WDR31: variants seen among roughly 807,000 people sequenced by gnomAD.
The protein encoded by WDR31 is WD repeat-containing protein 31.
A neutral mutation model predicts 47.3 loss-of-function variants in WDR31; 30 were observed. That is an observed-to-expected ratio of 0.63 (90% CI 0.47 to 0.86). The LOEUF is 0.86. Ranked by LOEUF, WDR31 falls within the 40% of genes least tolerant of loss-of-function variation. The pLI, the probability that WDR31 is intolerant of heterozygous loss-of-function variation, is 0.00. For missense variants in WDR31, 406 were observed against 442.9 expected (o/e 0.92, Z 0.75); for synonymous variants, 137 against 159.4 (o/e 0.86, Z 1.06).
chr9:113,325,643 T>C (rs774281710), intron 5 of WDR31, among the ~76,000 whole-genome samples: 3 of 151,902 alleles, frequency 2.0e-5, no homozygotes, highest in Non-Finnish European at 4.4e-5. Context: ...AGCACAATTA[T>C]ATTACTTCTG....
At chr9:113,335,501 TAGGAAGAACTGTCTAC>T (rs1429898293) in intron 2 of WDR31, among the ~76,000 whole-genome samples, 1 of 152,184 alleles carries the variant, frequency 6.6e-6, no homozygotes, top group Non-Finnish European at 1.5e-5. Flanking sequence ...AACCTAATTC[TAGGAAGAACTGTCTAC>T]AGGAAGAACT....
In WDR31 at chr9:113,320,380, C is replaced by T; in HGVS notation, c.757G>A (p.Gly253Arg). ...ACCGTGGCTTCACAGCCTTCTCCTCCAAAGCCATTGCTGCAGGAGATACAC... is the reference window on the plus strand; with the variant it reads ...ACCGTGGCTTCACAGCCTTCTCCTCTAAAGCCATTGCTGCAGGAGATACAC... ...HKCISCSNGF[G>R]GEGCEATLWD... Residue 253 changes from glycine (G) to arginine (R), a missense_variant, in exon 9 of 11, where the codon GGA (glycine) becomes AGA (arginine). Physicochemically the swap from Gly to Arg is moderately radical, Grantham distance 125 (BLOSUM62 -2). Transcript: ENST00000374193. The T allele has an allele frequency of 6.2e-7, 1 of 1,614,228 alleles. No homozygotes were observed. Among genetic ancestry groups the T allele is most frequent in the Non-Finnish European group, 8.5e-7 (1 of 1,180,018 alleles).
chr9:113,323,995 T>G (rs543922802), intron 5 of WDR31, among the ~76,000 whole-genome samples: 26 of 152,358 alleles, frequency 1.7e-4, no homozygotes, highest in Middle Eastern at 3.4e-3. Flanking sequence ...TTTGCTGACC[T>G]ACTCTTCCTG....
chr9:113,329,107 G>A (rs764459983), intron 4 of WDR31, 152 bp from the exon 5 acceptor site: 25 of 677,316 alleles, frequency 3.7e-5, no homozygotes, highest in African/African-American at 7.2e-5. Context: ...TGTTGTGGCC[G>A]TCCCTCCTCA....
At position 113,316,806 on chromosome 9, in the gene WDR31, G is replaced by A. The variant is rs1833214745; in HGVS notation, c.1047C>T (p.His349=). Residue 349 remains histidine, a synonymous_variant, in exon 11 of 11, where the codon CAC becomes CAT. Coordinates refer to ENST00000374193, the MANE Select transcript of WDR31 (RefSeq NM_001012361.4). ...LLCASFNRGI[H]LLRMDHSQGL... ...CTTGGCTGTGGTCCATTCTGAGTAA[G>A]TGAATTCCTCTGTTAAAACTTGCAC... The A allele has an allele frequency of 6.2e-7, 1 of 1,614,044 alleles. No individual in the cohort carries two copies. Among genetic ancestry groups the A allele is most frequent in the Non-Finnish European group, 8.5e-7 (1 of 1,180,040 alleles).
chr9:113,323,211 G>A, intron 5 of WDR31, 56 bp from the exon 6 acceptor site: 2 of 1,567,110 alleles, frequency 1.3e-6, no homozygotes, highest in Non-Finnish European at 1.7e-6. Context: ...AGTTGGACTG[G>A]ACTTTAAATT....
At chr9:113,331,163 TG>T in intron 3 of WDR31, 47 bp from the exon 4 acceptor site, 1 of 91,454 alleles carries the variant, frequency 1.1e-5, no homozygotes, top group Non-Finnish European at 2.4e-5. Context: ...TGGGAGTGGA[TG>T]GGGGTGGGGT....
intron 2 of WDR31, among the ~76,000 whole-genome samples, chr9:113,335,785 C>T (rs1833703962): frequency 6.6e-6 from 1 of 152,148 alleles, no homozygotes; most frequent in Non-Finnish European, 1.5e-5. Flanking sequence ...GCTCCATTCC[C>T]CACTCTGGCC....
intron 4 of WDR31, among the ~76,000 whole-genome samples, chr9:113,330,713 G>T (rs150177509): frequency 2.2e-4 from 34 of 152,224 alleles, no homozygotes; most frequent in African/African-American, 7.9e-4. Context: ...TCTCACCTAC[G>T]TTCTTTGATT....
intron 4 of WDR31, among the ~76,000 whole-genome samples, chr9:113,330,144 A>C (rs1189915140): frequency 6.6e-6 from 1 of 152,088 alleles, no homozygotes; most frequent in Non-Finnish European, 1.5e-5. Flanking sequence ...TCTGTCACCC[A>C]GGCTGGAGGA....
intron 9 of WDR31, 56 bp from the exon 10 acceptor site, chr9:113,318,693 A>T: frequency 6.3e-7 from 1 of 1,585,964 alleles, no homozygotes. Context: ...TCATCCATGA[A>T]TATCTATCTC....
intron 5 of WDR31, among the ~76,000 whole-genome samples, chr9:113,325,567 C>T (rs1311419893): frequency 2.0e-5 from 3 of 151,696 alleles, no homozygotes; most frequent in Non-Finnish European, 4.4e-5. Context: ...AACTCATATT[C>T]TCAATGTATT....
At chr9:113,334,703 C>CTTTT (rs71367719) in intron 2 of WDR31, among the ~76,000 whole-genome samples, 32 of 63,028 alleles carry the variant, frequency 5.1e-4, no homozygotes, top group Non-Finnish European at 7.0e-4. Flanking sequence ...CTACATCAGG[C>CTTTT]TTTTTTTTTT....
rs1298256084 is a variant in WDR31, at chr9:113,315,635, T to A, written c.*1114A>T. 6.6e-6 allele frequency: 1 copy of A among 151,908 alleles called. No individual in the cohort carries two copies. The highest frequency in any genetic ancestry group is 1.5e-5 in the Non-Finnish European group (1 of 68,126). The allele number at this position is 151,908 out of a possible 1,614,324, so 9.4% of individuals were successfully genotyped here. A position where few individuals can be genotyped will look rare whatever the true frequency, so the allele number is the denominator to read the frequency against. ...GCTTAATGTCTGGGGCACAGTTGAC[T>A]CCATCCCTCTCTTTTTTCCTGTATG... On this transcript the variant is annotated 3_prime_UTR_variant, in exon 11 of 11. Coordinates refer to ENST00000374193, the MANE Select transcript of WDR31 (RefSeq NM_001012361.4).
intron 2 of WDR31, among the ~76,000 whole-genome samples, chr9:113,334,852 C>A (rs1027473820): frequency 2.0e-5 from 3 of 152,032 alleles, no homozygotes; most frequent in South Asian, 2.1e-4. Context: ...AGCCACCGCA[C>A]CTGGCCTCAT....
rs1833177167 is a variant in WDR31, at chr9:113,315,693, G to A, written c.*1056C>T. The A allele has an allele frequency of 6.6e-6, 1 of 151,050 alleles. No individual in the cohort carries two copies. Among genetic ancestry groups the A allele is most frequent in the Non-Finnish European group, 1.5e-5 (1 of 67,872 alleles). The allele number at this position is 151,050 out of a possible 1,614,324, so 9.4% of individuals were successfully genotyped here. A position where few individuals can be genotyped will look rare whatever the true frequency, so the allele number is the denominator to read the frequency against. ...TTGTTTTTTTTTTTTTCAAGACAAG[G>A]TCTCATTCTGTCACACAGACTGGAG... On this transcript the variant is annotated 3_prime_UTR_variant, in exon 11 of 11. Transcript: ENST00000374193.
chr9:113,326,412 CTTCT>C (rs144445972), intron 5 of WDR31, among the ~76,000 whole-genome samples: 3,192 of 146,480 alleles, frequency 0.022, 117 homozygotes, highest in African/African-American at 0.074. Flanking sequence ...TCTTTCCGTC[CTTCT>C]TTCTTTCTTT....
intron 8 of WDR31, among the ~76,000 whole-genome samples, chr9:113,321,170 G>A (rs1323694127): frequency 2.0e-5 from 3 of 152,226 alleles, no homozygotes; most frequent in East Asian, 3.8e-4. Context: ...CCATGCAGGG[G>A]TAGCAAGGAG....
At position 113,322,905 on chromosome 9, in the gene WDR31, G is replaced by C; in HGVS notation, c.476C>G (p.Ser159Ter). The change falls in exon 7 of 11, where the codon TCA becomes TGA. Residue 159 changes from serine (S) to a stop codon, truncating the protein, a stop_gained. Transcript: ENST00000374193. LOFTEE classifies it high-confidence loss of function. ...GTCCCGAGAGCCAGTGCACAGCTGT[G>C]ATGAGTCTTTGGAAACAATGGTGAG... ...VTGLAVSPDS[S>*]QLCTGSRDNT... The C allele has an allele frequency of 6.2e-7, 1 of 1,614,192 alleles. No homozygotes were observed. The highest frequency in any genetic ancestry group is 8.5e-7 in the Non-Finnish European group (1 of 1,180,038).
Sources: gnomAD v4.1 joint callset for allele counts (sites outside exome capture counted in the v4.1 genomes callset) on GRCh38, gnomAD v4.1.1 for gene constraint, MANE v1.5 for transcripts, NCBI Gene and HGNC (gene_info 2026-07-23, HGNC 2026-07-21) for gene names.